PAX2: variants seen among roughly 807,000 people sequenced by gnomAD.
PAX2 encodes paired box protein Pax-2.
PAX2 carries 9 observed loss-of-function variants against 41.7 expected under a neutral mutation model. That is an observed-to-expected ratio of 0.22 (90% CI 0.13 to 0.38). PAX2 has a LOEUF of 0.38. Among genes scored for constraint, PAX2 ranks in the 10% least tolerant of loss-of-function variants. The pLI is 1.00. For synonymous variants in PAX2, 221 were observed against 212.7 expected (o/e 1.04, Z -0.34); for missense variants, 418 against 531.6 (o/e 0.79, Z 2.10).
intron 5 of PAX2, among the ~76,000 whole-genome samples, chr10:100,804,265 A>G (rs1366522405): frequency 2.3e-5 from 2 of 86,830 alleles, no homozygotes; most frequent in East Asian, 7.5e-4. Context: ...GCTTCAGTTC[A>G]GCCCCTACAC....
intron 3 of PAX2, among the ~76,000 whole-genome samples, chr10:100,762,794 A>G (rs921220176): frequency 2.6e-5 from 4 of 152,226 alleles, no homozygotes; most frequent in African/African-American, 4.8e-5. Flanking sequence ...CAGAATCCAC[A>G]GCTTGGACTG....
intron 1 of PAX2, among the ~76,000 whole-genome samples, chr10:100,740,084 C>T (rs968774934): frequency 2.0e-5 from 3 of 152,262 alleles, no homozygotes; most frequent in African/African-American, 7.2e-5. Context: ...CGTCTCCTGT[C>T]CGCTCTGGCT....
rs957328208 is a variant in PAX2 at position 100,829,295 on chromosome 10, TTGTC to T, written c.*1686_*1689del. 6 of 228,718 alleles carry T rather than the reference TTGTC, an allele frequency of 2.6e-5. No individual in the cohort carries two copies. The highest frequency in any genetic ancestry group is 6.7e-5 in the African/African-American group (3 of 44,928). The allele number at this position is 228,718 out of a possible 1,614,324, so 14.2% of individuals were successfully genotyped here. ...CTGTCTCTCTCCGTCTCTGTCGCTC[TTGTC>T]TGTCTGTCTCTGCTCTTTCCTCGGC... On this transcript the variant is annotated 3_prime_UTR_variant, in exon 10 of 10. Coordinates refer to ENST00000355243, the MANE Select transcript of PAX2 (RefSeq NM_000278.5).
At chr10:100,792,608 G>T (rs993689967) in intron 5 of PAX2, among the ~76,000 whole-genome samples, 1 of 152,216 alleles carries the variant, frequency 6.6e-6, no homozygotes, top group Non-Finnish European at 1.5e-5. Flanking sequence ...GATAGCGAAG[G>T]ATGCTCAGAA....
Position 100,763,957 on chromosome 10 carries a change from T to A in PAX2, c.410+13066T>A, listed in dbSNP as rs535950882. Among the ~76,000 whole-genome samples, 84 of 150,016 alleles carry A rather than the reference T, an allele frequency of 5.6e-4. 1 individual carries two copies. Among genetic ancestry groups the A allele is most frequent in the African/African-American group, 2.0e-3 (80 of 40,718 alleles). Reference sequence around the variant, plus strand: ...TAATTGTGTAGGTCTCTCATAAGTTTTCATGAGGGTTAAATGAGTGAGTCC... The same window carrying A: ...TAATTGTGTAGGTCTCTCATAAGTTATCATGAGGGTTAAATGAGTGAGTCC... On this transcript the variant is annotated intron_variant, in intron 3 of 9. Transcript: ENST00000355243.
At chr10:100,747,668 G>A (rs954482994) in intron 1 of PAX2, 1 of 984,252 alleles carries the variant, frequency 1.0e-6, no homozygotes, top group Non-Finnish European at 1.2e-6. Context: ...GCGGGGGTTG[G>A]GGGGGGCGTT....
chr10:100,769,730 C>G (rs1285418110), intron 3 of PAX2, among the ~76,000 whole-genome samples: 1 of 151,316 alleles, frequency 6.6e-6, no homozygotes, highest in Non-Finnish European at 1.5e-5. Context: ...TAATAATATT[C>G]ATTTGTTATT....
intron 7 of PAX2, among the ~76,000 whole-genome samples, chr10:100,820,218 T>C (rs1291260604): frequency 6.6e-6 from 1 of 152,184 alleles, no homozygotes; most frequent in Non-Finnish European, 1.5e-5. Context: ...AGATGACTTC[T>C]TTTCCTTTTC....
At position 100,824,650 on chromosome 10, in the gene PAX2, C is replaced by T. The variant is rs761402395; in HGVS notation, c.922C>T (p.Arg308Cys). The T allele has an allele frequency of 1.6e-5, 26 of 1,605,582 alleles. No individual in the cohort carries two copies. The highest frequency in any genetic ancestry group is 1.5e-4 in the South Asian group (14 of 90,920). ...GTQTYPVVTGRDMASTTLPGY... is the reference protein window; with the variant it reads ...GTQTYPVVTGCDMASTTLPGY... ...CCTTCCCCTTTGTGTTTTTCCAGGT[C>T]GTGACATGGCGAGCACCACTCTGCC... The change falls in exon 8 of 10, where the codon CGT (arginine) becomes TGT (cysteine). Residue 308 changes from arginine (R) to cysteine (C), a missense_variant and splice_region_variant. Coordinates refer to ENST00000355243, the MANE Select transcript of PAX2 (RefSeq NM_000278.5). This position sits in a 1 kb window ranked among gnomAD's most constrained non-coding sequence, Gnocchi z 6.6.
At chr10:100,782,055 T>G (rs1158669338) in intron 5 of PAX2, among the ~76,000 whole-genome samples, 1 of 152,174 alleles carries the variant, frequency 6.6e-6, no homozygotes, top group Non-Finnish European at 1.5e-5. Context: ...TTTTCAAATG[T>G]CGTGACATTG....
In PAX2 at chr10:100,738,015, C is replaced by G. The variant is rs571527297; in HGVS notation, c.25+2282C>G. ...GCTATCGCTGCCTATACCCCCAGAA[C>G]TTACAAAAATAAGCCGTTTATTCGA... On this transcript the variant is annotated intron_variant, in intron 1 of 9. Transcript: ENST00000679374. Among the ~76,000 whole-genome samples, 6 of 152,370 alleles carry G rather than the reference C, an allele frequency of 3.9e-5. No homozygotes were observed. In the South Asian group the frequency reaches 1.0e-3, roughly 26 times the overall value.
Position 100,745,966 on chromosome 10 carries a change from C to T in PAX2, c.-295C>T. ...TGCAGCTGCAGCGCGAGCCATGCGC[C>T]CCCAGTGCACCCCGGCCCGGCCCAC... On this transcript the variant is annotated 5_prime_UTR_variant, in exon 1 of 10. Coordinates refer to ENST00000355243, the MANE Select transcript of PAX2 (RefSeq NM_000278.5). 7.6e-7 allele frequency: 1 copy of T among 1,312,016 alleles called. No individual in the cohort carries two copies. The highest frequency in any genetic ancestry group is 9.7e-7 in the Non-Finnish European group (1 of 1,033,066). 81.3% of individuals were successfully genotyped at this position (1,312,016 alleles called of 1,614,324 possible).
At chr10:100,758,362 G>A (rs571283469) in intron 3 of PAX2, among the ~76,000 whole-genome samples, 12 of 152,122 alleles carry the variant, frequency 7.9e-5, no homozygotes, top group African/African-American at 2.4e-4. Flanking sequence ...GGATGGTCTC[G>A]ATCTCCTGAC....
intron 3 of PAX2, among the ~76,000 whole-genome samples, chr10:100,753,655 A>G (rs1056655326): frequency 3.1e-4 from 47 of 152,332 alleles, no homozygotes; most frequent in African/African-American, 1.1e-3. Context: ...GGTGGTTGGC[A>G]AGAAAAGAAG....
At chr10:100,754,589 C>T (rs1845564421) in intron 3 of PAX2, among the ~76,000 whole-genome samples, 1 of 152,236 alleles carries the variant, frequency 6.6e-6, no homozygotes, top group Admixed American at 6.5e-5. Flanking sequence ...TGTCCCTCTT[C>T]TGTCATTCTC....
intron 3 of PAX2, among the ~76,000 whole-genome samples, chr10:100,769,624 AAGAATAAAATAAAATAAAAT>A (rs1299992586): frequency 3.7e-5 from 3 of 81,158 alleles, no homozygotes; most frequent in African/African-American, 1.2e-4. Flanking sequence ...CCATCTCAAA[AAGAATAAAATAAAATAAAAT>A]AAAATAAAAT....
At chr10:100,809,708 G>C (rs918653451) in intron 7 of PAX2, among the ~76,000 whole-genome samples, 2 of 152,236 alleles carry the variant, frequency 1.3e-5, no homozygotes, top group African/African-American at 4.8e-5. Context: ...CTTTGGGCTT[G>C]AGGGCATGGC....
Position 100,745,960 on chromosome 10 carries a change from A to G in PAX2, c.-301A>G, listed in dbSNP as rs945349007. 23 of 1,277,790 alleles carry G rather than the reference A, an allele frequency of 1.8e-5. No individual in the cohort carries two copies. The highest frequency in any genetic ancestry group is 2.3e-5 in the Non-Finnish European group (23 of 1,012,374). The allele number at this position is 1,277,790 out of a possible 1,614,324, so 79.2% of individuals were successfully genotyped here. On this transcript the variant is annotated 5_prime_UTR_variant, in exon 1 of 10. It removes an upstream start codon present in the reference 5' UTR. Coordinates refer to ENST00000355243, the MANE Select transcript of PAX2 (RefSeq NM_000278.5). ...CCTGGCTGCAGCTGCAGCGCGAGCC[A>G]TGCGCCCCCAGTGCACCCCGGCCCG...
intron 5 of PAX2, among the ~76,000 whole-genome samples, chr10:100,781,625 CAGG>C (rs1018550031): frequency 1.6e-4 from 25 of 152,168 alleles, no homozygotes; most frequent in Admixed American, 8.5e-4. Flanking sequence ...TGTGGGATGT[CAGG>C]AGGAGAAGCA....
Sources: gnomAD v4.1 joint callset for allele counts (sites outside exome capture counted in the v4.1 genomes callset) on GRCh38, gnomAD v4.1.1 for gene constraint, Gnocchi (gnomAD v3.1) non-coding constraint, MANE v1.5 for transcripts, NCBI Gene and HGNC (gene_info 2026-07-23, HGNC 2026-07-21) for gene names.